DPY19L1: variants seen among roughly 807,000 people sequenced by gnomAD.
The protein encoded by DPY19L1 is dpy-19 like C-mannosyltransferase 1.
In DPY19L1, 35 loss-of-function variants were observed where a neutral mutation model predicts 96.9. That is an observed-to-expected ratio of 0.36 (90% CI 0.28 to 0.48). DPY19L1 has a LOEUF of 0.48. Among genes scored for constraint, DPY19L1 ranks in the 20% least tolerant of loss-of-function variants. DPY19L1 has a pLI of 0.99. For missense variants in DPY19L1, 521 were observed against 777.9 expected, an observed-to-expected ratio of 0.67 and a Z score of 3.93; for synonymous variants, 205 against 252.6, an observed-to-expected ratio of 0.81 and a Z score of 1.79.
At chr7:34,945,861 A>C in intron 15 of DPY19L1, 145 bp from the exon 16 acceptor site, 1 of 648,432 alleles carries the variant, frequency 1.5e-6, no homozygotes, top group Non-Finnish European at 2.7e-6. Context: ...CAACAACATA[A>C]TCTTATATTT....
chr7:34,973,245 T>C (rs1244546050), intron 8 of DPY19L1, among the ~76,000 whole-genome samples: 6 of 151,422 alleles, frequency 4.0e-5, no homozygotes, highest in Non-Finnish European at 4.4e-5. Flanking sequence ...AGAAGAAGAC[T>C]TGAGAAAGTG....
At chr7:34,934,252 C>A (rs772591644) in intron 21 of DPY19L1, among the ~76,000 whole-genome samples, 52 of 152,224 alleles carry the variant, frequency 3.4e-4, no homozygotes, top group Non-Finnish European at 6.9e-4. Flanking sequence ...CGTGACCCAC[C>A]GCGCCCGGCC....
rs1177195268 is a variant in DPY19L1, at chr7:34,992,541, GCCT to G, written c.765-2603_765-2601del. 2.4e-5 allele frequency among the ~76,000 whole-genome samples: 3 copies of G among 123,472 alleles called. No homozygotes were observed. The Admixed American group carries it at 3.1e-4, about 13-fold the overall frequency. 81.0% of individuals were successfully genotyped at this position (123,472 alleles called of 152,430 possible). A position where few individuals can be genotyped will look rare whatever the true frequency, so the allele number is the denominator to read the frequency against. On this transcript the variant is annotated intron_variant, in intron 6 of 21. Coordinates refer to ENST00000638088, the MANE Select transcript of DPY19L1 (RefSeq NM_001366673.1). ...ACAATGTCAGGCACAAAACCTTCCT[GCCT>G]TTTTTTTTTTTTTTTTTCCAGAGAC...
intron 21 of DPY19L1, among the ~76,000 whole-genome samples, chr7:34,936,751 G>C (rs1046499827): frequency 6.6e-6 from 1 of 152,142 alleles, no homozygotes; most frequent in African/African-American, 2.4e-5. Flanking sequence ...CGTAGCACAC[G>C]TTCATAGGAG....
intron 6 of DPY19L1, among the ~76,000 whole-genome samples, chr7:34,999,366 G>T (rs1001869477): frequency 3.3e-5 from 5 of 152,238 alleles, no homozygotes; most frequent in East Asian, 3.9e-4. Flanking sequence ...ACCAGTAATT[G>T]AGTACAAAAA....
chr7:35,021,501 T>A (rs570059734), intron 1 of DPY19L1, among the ~76,000 whole-genome samples: 1 of 152,214 alleles, frequency 6.6e-6, no homozygotes, highest in Non-Finnish European at 1.5e-5. Context: ...GTAACAATGA[T>A]GAGAGCAATG....
chr7:34,936,446 A>C (rs1200479975), intron 21 of DPY19L1, among the ~76,000 whole-genome samples: 1 of 152,244 alleles, frequency 6.6e-6, no homozygotes, highest in Non-Finnish European at 1.5e-5. Context: ...TTTATGTTCC[A>C]GTAACTTACA....
intron 6 of DPY19L1, among the ~76,000 whole-genome samples, chr7:34,991,007 CAGA>C (rs903594469): frequency 1.4e-4 from 22 of 152,134 alleles, no homozygotes; most frequent in African/African-American, 5.3e-4. Flanking sequence ...AGGGAGTATC[CAGA>C]AGGAGACAGG....
At chr7:35,037,848 T>C, upstream of DPY19L1, 1 of 1,233,686 alleles carries the variant, frequency 8.1e-7, no homozygotes, top group Non-Finnish European at 1.0e-6. Flanking sequence ...GCTCGGCCGG[T>C]GCGAGGACGC....
At chr7:34,995,252 A>C (rs1328252097) in intron 6 of DPY19L1, among the ~76,000 whole-genome samples, 1 of 152,146 alleles carries the variant, frequency 6.6e-6, no homozygotes, top group Non-Finnish European at 1.5e-5. Context: ...AGCAATCAGA[A>C]TACCTAAAAT....
intron 7 of DPY19L1, among the ~76,000 whole-genome samples, chr7:34,980,511 AGAC>A (rs1260123909): frequency 6.6e-6 from 1 of 152,186 alleles, no homozygotes; most frequent in South Asian, 2.1e-4. Context: ...AAAGAGGAAA[AGAC>A]AGGTCGTTAA....
intron 7 of DPY19L1, among the ~76,000 whole-genome samples, chr7:34,980,402 C>T (rs1285400339): frequency 6.6e-6 from 1 of 151,830 alleles, no homozygotes; most frequent in Non-Finnish European, 1.5e-5. Flanking sequence ...AAGGACTCAA[C>T]ATAAGAGACT....
chr7:34,944,379 A>AAAG (rs1469147924), intron 16 of DPY19L1, among the ~76,000 whole-genome samples: 93 of 150,794 alleles, frequency 6.2e-4, no homozygotes, highest in African/African-American at 2.2e-3. Flanking sequence ...AAAAAAAAAA[A>AAAG]AAAAAGAAAA....
rs1280706273 is a variant in DPY19L1 at position 34,955,297 on chromosome 7, T to C, written c.1239+11A>G. ...GAAAAAACATAAGCATTAAAATAGA[T>C]TGATTCTCACCCATAAACTAAGTTC... On this transcript the variant is annotated intron_variant, in intron 12 of 21. Transcript: ENST00000638088. The C allele has an allele frequency of 3.8e-6, 6 of 1,579,198 alleles. No homozygotes were observed. The highest frequency in any genetic ancestry group is 3.7e-5 in the Admixed American group (2 of 54,630).
At chr7:35,018,067 GC>G (rs1394014672) in intron 2 of DPY19L1, 98 bp from the exon 3 acceptor site, 1 of 814,310 alleles carries the variant, frequency 1.2e-6, no homozygotes, top group Non-Finnish European at 1.8e-6. Context: ...CAGTTAACTT[GC>G]AGATAATTTT....
At chr7:34,986,163 G>C (rs1359271891) in intron 7 of DPY19L1, among the ~76,000 whole-genome samples, 1 of 151,998 alleles carries the variant, frequency 6.6e-6, no homozygotes, top group Non-Finnish European at 1.5e-5. Context: ...GGGAGAGATG[G>C]GTAATGTGCA....
intron 10 of DPY19L1, among the ~76,000 whole-genome samples, chr7:34,962,154 C>A (rs902928327): frequency 3.9e-5 from 6 of 152,184 alleles, no homozygotes; most frequent in African/African-American, 7.2e-5. Flanking sequence ...ATGTTTACGG[C>A]AGCTTTATTC....
At chr7:35,001,026 G>C (rs942051576) in intron 6 of DPY19L1, among the ~76,000 whole-genome samples, 3 of 152,216 alleles carry the variant, frequency 2.0e-5, no homozygotes, top group Non-Finnish European at 4.4e-5. Context: ...GACTAGCTCT[G>C]TGACCTCGGA....
chr7:34,941,813 G>A lies in DPY19L1; in HGVS notation c.1641C>T (p.Phe547=), dbSNP rs373319825. 2.7e-4 allele frequency: 436 copies of A among 1,592,258 alleles called. No individual in the cohort carries two copies. Among genetic ancestry groups the A allele is most frequent in the Non-Finnish European group, 3.5e-4 (411 of 1,171,116 alleles). Residue 547 remains phenylalanine (F), a synonymous_variant, in exon 18 of 22, where the codon TTC becomes TTT. Transcript: ENST00000638088. ...LGILIMRLKL[F]LTPHMCVMAS... ...CCATAACACACATGTGTGGTGTCAA[G>A]AAGAGTTTTAGTCTCATAATTAAAA...
Sources: gnomAD v4.1 joint callset for allele counts (sites outside exome capture counted in the v4.1 genomes callset) on GRCh38, gnomAD v4.1.1 for gene constraint, MANE v1.5 for transcripts, NCBI Gene and HGNC (gene_info 2026-07-23, HGNC 2026-07-21) for gene names.